Variants in PRKCH observed in about 807,000 individuals in gnomAD.
PRKCH encodes the protein protein kinase C eta type.
Under a neutral mutation model 82.5 loss-of-function variants are expected in PRKCH, and 28 were observed. That is an observed-to-expected ratio of 0.34 (90% CI 0.25 to 0.47). The LOEUF is 0.47. PRKCH is among the 20% of genes least tolerant of loss of function. The probability of loss-of-function intolerance (pLI) is 1.00; values close to 1 mark genes in which losing one functional copy is unlikely to be tolerated. For synonymous variants in PRKCH, 322 were observed against 327.4 expected, an observed-to-expected ratio of 0.98 and a Z score of 0.18; for missense variants, 705 against 881.8, an observed-to-expected ratio of 0.80 and a Z score of 2.54.
intron 1 of PRKCH, among the ~76,000 whole-genome samples, chr14:61,190,609 G>A (rs759805613): frequency 6.6e-6 from 1 of 152,120 alleles, no homozygotes; most frequent in Admixed American, 6.5e-5. Flanking sequence ...TCTCCAAGAC[G>A]AAGGCTTGCC....
chr14:61,235,041 C>T (rs1429434406), intron 1 of PRKCH, among the ~76,000 whole-genome samples: 3 of 152,170 alleles, frequency 2.0e-5, no homozygotes, highest in Admixed American at 2.0e-4. Context: ...CCCAAATGGC[C>T]CCCTTAAGCA....
At chr14:61,395,195 G>A (rs1176555313) in intron 2 of PRKCH, among the ~76,000 whole-genome samples, 1 of 151,680 alleles carries the variant, frequency 6.6e-6, no homozygotes, top group East Asian at 1.9e-4. Flanking sequence ...CTCAGCTTGA[G>A]CTTGCACGTT....
chr14:61,321,449 G>C (rs978173388), upstream of PRKCH, among the ~76,000 whole-genome samples: 2 of 152,218 alleles, frequency 1.3e-5, no homozygotes, highest in Non-Finnish European at 2.9e-5. The surrounding 1 kb of genome is among the most constrained non-coding windows in gnomAD (Gnocchi z 4.1). Context: ...AGGAGGGCGC[G>C]CAGGGCGGCG....
chr14:61,484,764 C>CTT lies in PRKCH; in HGVS notation c.1279-720_1279-719dup, dbSNP rs375542490. On this transcript the variant is annotated intron_variant, in intron 9 of 13. Transcript: ENST00000332981. The stretch of plus-strand genomic sequence containing the variant: ...TACTGTGAGGCTGTCATTTGGCTTC[C>CTT]TTTTTTTTTTTTTTTTTTTGGAAGA... Among the ~76,000 whole-genome samples the CTT allele has an allele frequency of 7.9e-3, 959 of 121,182 alleles. 17 individuals are homozygous for CTT. Among genetic ancestry groups the CTT allele is most frequent in the African/African-American group, 0.028 (857 of 30,862 alleles). The allele number at this position is 121,182 out of a possible 152,430, so 79.5% of individuals were successfully genotyped here. A position where few individuals can be genotyped will look rare whatever the true frequency, so the allele number is the denominator to read the frequency against.
chr14:61,439,376 G>A (rs1443869690), intron 2 of PRKCH, among the ~76,000 whole-genome samples: 2 of 152,144 alleles, frequency 1.3e-5, no homozygotes, highest in East Asian at 1.9e-4. Flanking sequence ...GGAAGCCATG[G>A]GGGCCCATTT....
intron 1 of PRKCH, among the ~76,000 whole-genome samples, chr14:61,370,387 G>A (rs2046350342): frequency 1.3e-5 from 2 of 152,126 alleles, no homozygotes; most frequent in Admixed American, 1.3e-4. Flanking sequence ...GGAGTCACCT[G>A]GAGTTTGTTA....
chr14:61,253,966 CCCTCCCTCCCT>C (rs2044971623), intron 1 of PRKCH, among the ~76,000 whole-genome samples: 6 of 131,180 alleles, frequency 4.6e-5, no homozygotes, highest in South Asian at 2.7e-4. Context: ...CTTCCTTCTT[CCCTCCCTCCCT>C]CCTCCCTCCC....
At position 61,396,081 on chromosome 14, in the gene PRKCH, G is replaced by GA. The variant is rs34478520; in HGVS notation, c.427+4810dup. Among the ~76,000 whole-genome samples, 1,172 of 120,530 alleles carry GA rather than the reference G, an allele frequency of 9.7e-3. 28 individuals are homozygous for GA. The highest frequency in any genetic ancestry group is 0.035 in the African/African-American group (1,100 of 31,434). The allele number at this position is 120,530 out of a possible 152,430, so 79.1% of individuals were successfully genotyped here. A position where few individuals can be genotyped will look rare whatever the true frequency, so the allele number is the denominator to read the frequency against. ...GGTGACAGAGTGAAACCTTGTTTCA[G>GA]AAAAAAAAAAAAAAAAAGAAAAGAA... is the stretch of plus-strand genomic sequence containing the variant. On this transcript the variant is annotated intron_variant, in intron 2 of 13. Coordinates refer to ENST00000332981, the MANE Select transcript of PRKCH (RefSeq NM_006255.5).
intron 1 of PRKCH, among the ~76,000 whole-genome samples, chr14:61,363,965 C>T (rs944466583): frequency 5.7e-5 from 7 of 122,384 alleles, no homozygotes; most frequent in South Asian, 2.9e-4. Flanking sequence ...TATATATATA[C>T]GTGTGCATGT....
chr14:61,340,378 C>T lies in PRKCH; in HGVS notation c.363+17914C>T, dbSNP rs888754343. On this transcript the variant is annotated intron_variant, in intron 1 of 13. Transcript: ENST00000332981. ...TTGGTGTTCCCCAGGTGGGAGGGGG[C>T]GGGGTGGGGGGCGGGGGTGGGTGGG... Among the ~76,000 whole-genome samples the T allele has an allele frequency of 3.9e-3, 11 of 2,826 alleles. No homozygotes were observed. The South Asian group carries it at 0.052, about 13-fold the overall frequency. The allele number at this position is 2,826 out of a possible 152,430, so 1.9% of individuals were successfully genotyped here.
chr14:61,250,906 TA>T (rs1272640961), intron 1 of PRKCH, among the ~76,000 whole-genome samples: 1 of 152,066 alleles, frequency 6.6e-6, no homozygotes, highest in Non-Finnish European at 1.5e-5. Context: ...AGCCATTTTT[TA>T]AAAAAAGGTC....
intron 1 of PRKCH, among the ~76,000 whole-genome samples, chr14:61,203,333 C>T (rs763651484): frequency 6.6e-6 from 1 of 152,022 alleles, no homozygotes; most frequent in Non-Finnish European, 1.5e-5. Flanking sequence ...GGGTGGGGGA[C>T]GTTAGGTCCC....
chr14:61,297,584 G>A (rs923432365), intron 1 of PRKCH, among the ~76,000 whole-genome samples: 1 of 152,200 alleles, frequency 6.6e-6, no homozygotes, highest in African/African-American at 2.4e-5. Context: ...GGATGAAACT[G>A]TTCTACCTCA....
At chr14:61,189,588 C>A (rs537485868) in intron 1 of PRKCH, among the ~76,000 whole-genome samples, 1 of 152,084 alleles carries the variant, frequency 6.6e-6, no homozygotes, top group East Asian at 1.9e-4. Flanking sequence ...CCTCTCCCCT[C>A]CGTCCCTCCC....
intron 2 of PRKCH, among the ~76,000 whole-genome samples, chr14:61,436,046 G>A (rs920725073): frequency 1.3e-5 from 2 of 152,116 alleles, no homozygotes; most frequent in Non-Finnish European, 2.9e-5. Flanking sequence ...AAAATGGGAG[G>A]TCAGGACTCT....
At chr14:61,470,317 T>G (rs928449720) in intron 9 of PRKCH, among the ~76,000 whole-genome samples, 5 of 126,188 alleles carry the variant, frequency 4.0e-5, no homozygotes, top group Non-Finnish European at 6.3e-5. Context: ...CTGCATTTGC[T>G]CCCGTTGCCA....
intron 10 of PRKCH, among the ~76,000 whole-genome samples, chr14:61,502,616 C>A (rs1411250262): frequency 6.6e-6 from 1 of 152,126 alleles, no homozygotes; most frequent in Non-Finnish European, 1.5e-5. Context: ...AGAGTGCCTT[C>A]TGTTGTACAG....
chr14:61,258,132 A>G (rs2045015915), intron 1 of PRKCH, among the ~76,000 whole-genome samples: 1 of 152,218 alleles, frequency 6.6e-6, no homozygotes, highest in African/African-American at 2.4e-5. Flanking sequence ...AATGTAAATC[A>G]AACTGAGACA....
chr14:61,308,051 G>T (rs2045495734), intron 1 of PRKCH, among the ~76,000 whole-genome samples: 1 of 152,132 alleles, frequency 6.6e-6, no homozygotes. Context: ...TGTTGCCCAG[G>T]CTTGTCTTGA....
Sources: gnomAD v4.1 joint callset for allele counts (sites outside exome capture counted in the v4.1 genomes callset) on GRCh38, gnomAD v4.1.1 for gene constraint, Gnocchi (gnomAD v3.1) non-coding constraint, MANE v1.5 for transcripts, NCBI Gene and HGNC (gene_info 2026-07-23, HGNC 2026-07-21) for gene names.